Variants in MOXD1 observed in about 807,000 individuals in gnomAD.
MOXD1 encodes the protein monooxygenase DBH like 1.
A neutral mutation model predicts 66.6 loss-of-function variants in MOXD1; 62 were observed. The observed-to-expected ratio is 0.93, with a 90% CI of 0.76 to 1.15. MOXD1 has a LOEUF of 1.15. Ranked by LOEUF, MOXD1 falls within the 50% of genes most tolerant of loss-of-function variation. The pLI, the probability that MOXD1 is intolerant of heterozygous loss-of-function variation, is 0.00. For missense variants in MOXD1, 847 were observed against 754.6 expected, an observed-to-expected ratio of 1.12 and a Z score of -1.44; for synonymous variants, 303 against 281.9, an observed-to-expected ratio of 1.07 and a Z score of -0.75.
chr6:132,344,273 A>G (rs528989822), intron 4 of MOXD1, among the ~76,000 whole-genome samples: 22 of 152,314 alleles, frequency 1.4e-4, no homozygotes, highest in African/African-American at 5.3e-4. Context: ...CAACTTGACA[A>G]CTTAATTAAC....
chr6:132,320,417 C>T (rs530209107), intron 9 of MOXD1, among the ~76,000 whole-genome samples: 1 of 152,176 alleles, frequency 6.6e-6, no homozygotes, highest in East Asian at 1.9e-4. Flanking sequence ...AATTACACTC[C>T]AAGTATTATT....
At chr6:132,320,360 G>A (rs1011568644) in intron 9 of MOXD1, among the ~76,000 whole-genome samples, 1 of 151,996 alleles carries the variant, frequency 6.6e-6, no homozygotes, top group African/African-American at 2.4e-5. Context: ...AATATTAGAT[G>A]AGAAAAATTA....
At chr6:132,353,426 G>A (rs1351350458) in intron 4 of MOXD1, among the ~76,000 whole-genome samples, 2 of 152,132 alleles carry the variant, frequency 1.3e-5, no homozygotes, top group African/African-American at 2.4e-5. Flanking sequence ...ATGATGCTCA[G>A]TTTCACTGGA....
intron 4 of MOXD1, among the ~76,000 whole-genome samples, chr6:132,339,255 T>C (rs955133583): frequency 6.6e-6 from 1 of 152,242 alleles, no homozygotes; most frequent in Non-Finnish European, 1.5e-5. Context: ...CATTCACTTG[T>C]GTATGTTTAT....
chr6:132,328,765 T>G (rs570887336), intron 4 of MOXD1, among the ~76,000 whole-genome samples, 171 bp from the exon 5 acceptor site: 1 of 152,164 alleles, frequency 6.6e-6, no homozygotes, highest in Non-Finnish European at 1.5e-5. Context: ...ACAGTGACAA[T>G]GGTAAAGATA....
At chr6:132,323,387 C>T (rs868795947) in intron 7 of MOXD1, among the ~76,000 whole-genome samples, 2 of 152,108 alleles carry the variant, frequency 1.3e-5, no homozygotes, top group Non-Finnish European at 1.5e-5. Flanking sequence ...GCCATACTGT[C>T]CTCAACCACA....
intron 4 of MOXD1, among the ~76,000 whole-genome samples, chr6:132,351,234 T>G (rs1440426335): frequency 6.6e-6 from 1 of 152,174 alleles, no homozygotes; most frequent in East Asian, 1.9e-4. Context: ...TCAGAGGGAA[T>G]GCTTGCAACT....
intron 4 of MOXD1, among the ~76,000 whole-genome samples, chr6:132,347,047 C>T (rs980219521): frequency 6.6e-6 from 1 of 152,078 alleles, no homozygotes; most frequent in African/African-American, 2.4e-5. Flanking sequence ...TAATAGCTAT[C>T]GTTTGTGAGT....
chr6:132,371,723 A>G (rs1205694561), intron 4 of MOXD1, among the ~76,000 whole-genome samples: 1 of 152,106 alleles, frequency 6.6e-6, no homozygotes, highest in Non-Finnish European at 1.5e-5. Context: ...TGGACTTATG[A>G]TTCTCAAACC....
intron 1 of MOXD1, among the ~76,000 whole-genome samples, chr6:132,379,839 G>A (rs1776474086): frequency 6.6e-6 from 1 of 151,286 alleles, no homozygotes. Context: ...TTTCTTTTTT[G>A]AGACAGGGTC....
At chr6:132,311,482 G>A (rs1205445523) in intron 10 of MOXD1, among the ~76,000 whole-genome samples, 4 of 151,506 alleles carry the variant, frequency 2.6e-5, no homozygotes, top group African/African-American at 9.7e-5. Flanking sequence ...AAGTATAAAC[G>A]TCTCCATCTT....
chr6:132,308,487 T>C (rs1187894822), intron 10 of MOXD1, among the ~76,000 whole-genome samples: 1 of 151,942 alleles, frequency 6.6e-6, no homozygotes, highest in Non-Finnish European at 1.5e-5. Flanking sequence ...TCCAAATAAT[T>C]GAAAAAGAGG....
At chr6:132,394,090 C>T (rs1312253431) in intron 1 of MOXD1, among the ~76,000 whole-genome samples, 3 of 152,208 alleles carry the variant, frequency 2.0e-5, no homozygotes, top group Non-Finnish European at 4.4e-5. Context: ...ACTGCTGCCA[C>T]CACTGAGGCC....
intron 4 of MOXD1, among the ~76,000 whole-genome samples, chr6:132,361,279 T>G (rs1338089169): frequency 6.6e-6 from 1 of 151,166 alleles, no homozygotes; most frequent in Admixed American, 6.6e-5. Context: ...CAGCTGTGGT[T>G]ACAGGAAACA....
intron 1 of MOXD1, chr6:132,390,744 T>C (rs1776743634): frequency 6.6e-6 from 1 of 151,452 alleles, no homozygotes; most frequent in Admixed American, 6.6e-5. Flanking sequence ...TAATAAGATA[T>C]TGACCTCACA....
intron 1 of MOXD1, among the ~76,000 whole-genome samples, chr6:132,384,929 A>G (rs1562299407): frequency 6.6e-6 from 1 of 152,214 alleles, no homozygotes; most frequent in Non-Finnish European, 1.5e-5. Context: ...AATGAGGAGA[A>G]GAAGGAATAG....
rs1226979129 is a variant in MOXD1 at position 132,324,034 on chromosome 6, C to T, written c.1010G>A (p.Gly337Glu). ...YTMDIRKYDA[G>E]VIEAGLWVSL... ...CACCCAGAGGCCAGCCTCAATCACC[C>T]CAGCATCATATTTCCTTATATCCAT... The change falls in exon 7 of 12, where the codon GGG becomes GAG. Residue 337 changes from glycine to glutamate, a missense_variant. Gly to Glu is a moderately conservative substitution (Grantham distance 98). Transcript: ENST00000367963. 2 of 1,613,930 alleles carry T rather than the reference C, an allele frequency of 1.2e-6. No homozygotes were observed. Among genetic ancestry groups the T allele is most frequent in the Admixed American group, 1.7e-5 (1 of 60,016 alleles).
At chr6:132,330,721 T>A (rs1056664027) in intron 4 of MOXD1, among the ~76,000 whole-genome samples, 4 of 152,224 alleles carry the variant, frequency 2.6e-5, no homozygotes, top group African/African-American at 9.6e-5. Flanking sequence ...CTCTCTACTT[T>A]CAGCATGCAC....
At chr6:132,399,907 T>C (rs903166945) in intron 1 of MOXD1, among the ~76,000 whole-genome samples, 2 of 152,226 alleles carry the variant, frequency 1.3e-5, no homozygotes, top group Admixed American at 6.5e-5. Context: ...ATGTCTGAGA[T>C]GCTGCAGGAG....
Sources: gnomAD v4.1 joint callset for allele counts (sites outside exome capture counted in the v4.1 genomes callset) on GRCh38, gnomAD v4.1.1 for gene constraint, MANE v1.5 for transcripts, NCBI Gene and HGNC (gene_info 2026-07-23, HGNC 2026-07-21) for gene names.